Variants in PRICKLE2 observed in about 807,000 individuals in gnomAD.
PRICKLE2 encodes the protein prickle-like protein 2.
Under a neutral mutation model 81.4 loss-of-function variants are expected in PRICKLE2, and 21 were observed. The observed-to-expected ratio is 0.26, with a 90% CI of 0.18 to 0.37. The LOEUF is 0.37. Ranked by LOEUF, PRICKLE2 falls within the 10% of genes least tolerant of loss-of-function variation. PRICKLE2 has a pLI of 1.00. For missense variants in PRICKLE2, 940 were observed against 1,109.0 expected, an observed-to-expected ratio of 0.85 and a Z score of 2.16; for synonymous variants, 456 against 421.5, an observed-to-expected ratio of 1.08 and a Z score of -1.00.
chr3:64,233,364 A>C (rs1284671692), intron 2 of PRICKLE2, among the ~76,000 whole-genome samples: 5 of 152,326 alleles, frequency 3.3e-5, no homozygotes, highest in Admixed American at 2.6e-4. Flanking sequence ...TACACTGGTG[A>C]TGCTGCTCAT....
intron 7 of PRICKLE2, among the ~76,000 whole-genome samples, chr3:64,108,714 C>T (rs2076795984): frequency 6.6e-6 from 1 of 152,176 alleles, no homozygotes; most frequent in South Asian, 2.1e-4. Flanking sequence ...GTTAGAGGAA[C>T]ACCAAGATGA....
intron 2 of PRICKLE2, among the ~76,000 whole-genome samples, chr3:64,261,854 T>C (rs2079619587): frequency 6.6e-6 from 1 of 152,074 alleles, no homozygotes; most frequent in Non-Finnish European, 1.5e-5. Flanking sequence ...CTTATTGCAA[T>C]GAGAAGCTGT....
intron 3 of PRICKLE2, among the ~76,000 whole-genome samples, chr3:64,161,721 A>G (rs1027694804): frequency 7.0e-6 from 1 of 143,350 alleles, no homozygotes; most frequent in Non-Finnish European, 1.5e-5. Flanking sequence ...GAGTTAAAAA[A>G]AAAAAAAAAA....
intron 7 of PRICKLE2, among the ~76,000 whole-genome samples, chr3:64,129,923 C>G (rs1318231013): frequency 6.6e-6 from 1 of 152,182 alleles, no homozygotes; most frequent in Admixed American, 6.5e-5. Context: ...GAACCCCTTC[C>G]CATCAGAAAG....
intron 2 of PRICKLE2, among the ~76,000 whole-genome samples, chr3:64,185,294 CT>C: frequency 6.6e-6 from 1 of 152,236 alleles, no homozygotes; most frequent in Non-Finnish European, 1.5e-5. Flanking sequence ...CAGACCCCCC[CT>C]AGATTGCTGC....
chr3:64,249,374 C>A (rs1378267525), intron 2 of PRICKLE2, among the ~76,000 whole-genome samples: 1 of 152,190 alleles, frequency 6.6e-6, no homozygotes, highest in Non-Finnish European at 1.5e-5. Context: ...GCCCTTCTCC[C>A]AACATGGGGG....
intron 2 of PRICKLE2, among the ~76,000 whole-genome samples, chr3:64,178,367 A>G (rs1705718404): frequency 6.6e-6 from 1 of 152,238 alleles, no homozygotes; most frequent in African/African-American, 2.4e-5. Flanking sequence ...TGGGGGCTCC[A>G]TATGGAGATA....
intron 2 of PRICKLE2, among the ~76,000 whole-genome samples, chr3:64,231,233 T>C (rs1297023786): frequency 6.6e-6 from 1 of 152,112 alleles, no homozygotes; most frequent in African/African-American, 2.4e-5. Context: ...ACTGTGCACA[T>C]CAAAATGAAA....
At chr3:64,183,578 C>T (rs777469786) in intron 2 of PRICKLE2, among the ~76,000 whole-genome samples, 3 of 152,068 alleles carry the variant, frequency 2.0e-5, no homozygotes, top group Non-Finnish European at 2.9e-5. Context: ...TGCCTTCATT[C>T]GGCATTGATA....
intron 2 of PRICKLE2, among the ~76,000 whole-genome samples, chr3:64,174,051 C>A (rs2077978284): frequency 6.6e-6 from 1 of 152,142 alleles, no homozygotes; most frequent in African/African-American, 2.4e-5. Flanking sequence ...AACCCCCTCC[C>A]AAACCTTAAT....
intron 2 of PRICKLE2, chr3:64,174,865 G>C (rs897057946): frequency 4.7e-6 from 1 of 212,182 alleles, no homozygotes; most frequent in African/African-American, 2.3e-5. Context: ...ACTTTTCTCA[G>C]ATTTAATTAA....
rs202170644 is a variant in PRICKLE2, at chr3:64,147,176, C to G, written c.1314G>C (p.Gln438His). 635 of 1,613,976 alleles carry G rather than the reference C, an allele frequency of 3.9e-4. 1 individual carries two copies. Among genetic ancestry groups the G allele is most frequent in the Non-Finnish European group, 4.3e-4 (510 of 1,179,910 alleles). The change falls in exon 7 of 8, where the codon CAG (glutamine) becomes CAC (histidine). Residue 438 changes from glutamine (Q) to histidine (H), a missense_variant. Around this residue, in one of 2 missense-constraint regions of PRICKLE2, gnomAD observed 670 missense variants for 717.2 expected, o/e 0.93. Coordinates refer to ENST00000638394, the MANE Select transcript of PRICKLE2 (RefSeq NM_198859.4). This position sits in a 1 kb window ranked among gnomAD's most constrained non-coding sequence, Gnocchi z 5.0. ...YSPGGQGAGAQPEMWGKHFSN... is the reference protein window; with the variant it reads ...YSPGGQGAGAHPEMWGKHFSN... Reference sequence around the variant, plus strand: ...TGAAGTGCTTGCCCCACATTTCGGGCTGGGCCCCAGCCCCTTGCCCTCCTG... The same window carrying G: ...TGAAGTGCTTGCCCCACATTTCGGGGTGGGCCCCAGCCCCTTGCCCTCCTG...
At chr3:64,266,341 A>T (rs1214052693) in intron 2 of PRICKLE2, among the ~76,000 whole-genome samples, 3 of 152,208 alleles carry the variant, frequency 2.0e-5, no homozygotes, top group South Asian at 2.1e-4. Context: ...CAGAAATAAA[A>T]GTTGCTCAAG....
Position 64,147,568 on chromosome 3 carries a change from G to A in PRICKLE2, c.922C>T (p.Arg308Trp), listed in dbSNP as rs1465780206. 4.3e-6 allele frequency: 7 copies of A among 1,614,260 alleles called. No individual in the cohort carries two copies. Among genetic ancestry groups the A allele is most frequent in the South Asian group, 1.1e-5 (1 of 91,090 alleles). Residue 308 changes from arginine (R) to tryptophan (W), a missense_variant, in exon 7 of 8, where the codon CGG (arginine) becomes TGG (tryptophan). Coordinates refer to ENST00000638394, the MANE Select transcript of PRICKLE2 (RefSeq NM_198859.4). The surrounding 1 kb of genome is among the most constrained non-coding windows in gnomAD (Gnocchi z 5.0). ...GGGTCTTCCCCAGCACTGCAGGCCC[G>A]TGAGCAGAATATCTGGCCCTGCTTC... ...LPKQGQIFCS[R>W]ACSAGEDPNG...
chr3:64,179,964 T>C (rs2078099378), intron 2 of PRICKLE2, among the ~76,000 whole-genome samples: 1 of 152,186 alleles, frequency 6.6e-6, no homozygotes, highest in Non-Finnish European at 1.5e-5. Context: ...ATGAGCAGTG[T>C]AGTCACAGTT....
At chr3:64,118,252 A>G (rs2076969917) in intron 7 of PRICKLE2, among the ~76,000 whole-genome samples, 1 of 152,198 alleles carries the variant, frequency 6.6e-6, no homozygotes, top group Admixed American at 6.5e-5. Flanking sequence ...CTTGAAGAAA[A>G]CCTAGGCAAT....
rs561873668 is a variant in PRICKLE2 at position 64,144,661 on chromosome 3, G to A, written c.1660+2169C>T. On this transcript the variant is annotated intron_variant, in intron 7 of 7. Coordinates refer to ENST00000638394, the MANE Select transcript of PRICKLE2 (RefSeq NM_198859.4). The stretch of plus-strand genomic sequence containing the variant: ...AGATATACTTAGCACATCTTAGAGC[G>A]CTACTCTTCTCAAGCTATCAGTGGT... Among the ~76,000 whole-genome samples the A allele has an allele frequency of 5.9e-5, 9 of 152,328 alleles. No homozygotes were observed. In the South Asian group the frequency reaches 1.7e-3, roughly 28 times the overall value.
At chr3:64,231,549 G>A (rs1002444767) in intron 2 of PRICKLE2, among the ~76,000 whole-genome samples, 3 of 152,048 alleles carry the variant, frequency 2.0e-5, no homozygotes, top group African/African-American at 7.2e-5. Context: ...GTTCCTACAC[G>A]TTTCTCTTGG....
chr3:64,133,588 G>A (rs1304226650), intron 7 of PRICKLE2, among the ~76,000 whole-genome samples: 2 of 152,046 alleles, frequency 1.3e-5, no homozygotes, highest in African/African-American at 2.4e-5. Context: ...TGATACTGGG[G>A]TGGGGGGCCA....
Sources: gnomAD v4.1 joint callset for allele counts (sites outside exome capture counted in the v4.1 genomes callset) on GRCh38, gnomAD v4.1.1 for gene constraint, gnomAD v4.1.1 regional missense constraint, Gnocchi (gnomAD v3.1) non-coding constraint, MANE v1.5 for transcripts, NCBI Gene and HGNC (gene_info 2026-07-23, HGNC 2026-07-21) for gene names.